Variants in MBOAT1 observed in about 807,000 individuals in gnomAD.
The protein encoded by MBOAT1 is membrane-bound glycerophospholipid O-acyltransferase 1.
MBOAT1 carries 67 observed loss-of-function variants against 64.4 expected under a neutral mutation model. The ratio of observed to expected loss-of-function variants is 1.04; its 90% confidence interval spans 0.85 to 1.27. MBOAT1 has a LOEUF of 1.27. MBOAT1 is among the 50% of genes most tolerant of loss of function. The probability of loss-of-function intolerance (pLI) is 0.00; values close to 1 mark genes in which losing one functional copy is unlikely to be tolerated. For missense variants in MBOAT1, 563 were observed against 604.6 expected, an observed-to-expected ratio of 0.93 and a Z score of 0.72; for synonymous variants, 229 against 218.9, an observed-to-expected ratio of 1.05 and a Z score of -0.41.
At chr6:20,175,627 TTTC>T (rs1356074926) in intron 1 of MBOAT1, among the ~76,000 whole-genome samples, 1 of 148,988 alleles carries the variant, frequency 6.7e-6, no homozygotes, top group Non-Finnish European at 1.5e-5. Context: ...TTGTTCTTTC[TTTC>T]TTTTTTTTTT....
At chr6:20,195,903 C>A (rs985886467) in intron 1 of MBOAT1, among the ~76,000 whole-genome samples, 14 of 151,972 alleles carry the variant, frequency 9.2e-5, no homozygotes, top group African/African-American at 3.4e-4. Flanking sequence ...GGAGACAAAG[C>A]AGGCTGAGAA....
At chr6:20,140,318 C>T (rs1333936256) in intron 4 of MBOAT1, among the ~76,000 whole-genome samples, 1 of 152,218 alleles carries the variant, frequency 6.6e-6, no homozygotes, top group Non-Finnish European at 1.5e-5. Flanking sequence ...TTCACATTCA[C>T]ATATAATCAG....
At chr6:20,140,312 C>T (rs562405894) in intron 4 of MBOAT1, among the ~76,000 whole-genome samples, 1 of 152,336 alleles carries the variant, frequency 6.6e-6, no homozygotes, top group East Asian at 1.9e-4. Flanking sequence ...TCTCCTTTCA[C>T]ATTCACATAT....
chr6:20,206,752 A>G (rs2113778004), intron 1 of MBOAT1, among the ~76,000 whole-genome samples: 1 of 152,274 alleles, frequency 6.6e-6, no homozygotes, highest in East Asian at 1.9e-4. Context: ...GTCAAGAAGG[A>G]CAATCCATCA....
rs536256247 is a variant in MBOAT1, at chr6:20,101,815, G to C, written c.*471C>G. Among the ~76,000 whole-genome samples the C allele has an allele frequency of 2.0e-4, 30 of 151,988 alleles. No individual in the cohort carries two copies. The highest frequency in any genetic ancestry group is 3.4e-4 in the Non-Finnish European group (23 of 68,004). ...ATGGCCGATTAATCTGTACAAAAAG[G>C]CTTTATAAAAATACTCCCGGCCGGG... On this transcript the variant is annotated 3_prime_UTR_variant, in exon 13 of 13. Coordinates refer to ENST00000324607, the MANE Select transcript of MBOAT1 (RefSeq NM_001080480.3).
In MBOAT1 at chr6:20,159,579, C is replaced by T. The variant is rs148267029; in HGVS notation, c.100-6810G>A. ...AAGTGCATGTGGAATCTAAAAAAGT[C>T]GAAAAAGCAGAGAGTTTAACAGTGT... On this transcript the variant is annotated intron_variant, in intron 1 of 12. Coordinates refer to ENST00000324607, the MANE Select transcript of MBOAT1 (RefSeq NM_001080480.3). Among the ~76,000 whole-genome samples, 439 of 151,886 alleles carry T rather than the reference C, an allele frequency of 2.9e-3. 2 individuals are homozygous for T. Among genetic ancestry groups the T allele is most frequent in the African/African-American group, 0.01 (420 of 41,396 alleles).
intron 1 of MBOAT1, among the ~76,000 whole-genome samples, chr6:20,190,948 G>A (rs916962087): frequency 6.6e-6 from 1 of 152,164 alleles, no homozygotes; most frequent in Non-Finnish European, 1.5e-5. Context: ...TTTATGATGA[G>A]TTGAAACCTA....
In MBOAT1 at chr6:20,126,608, G is replaced by T; in HGVS notation, c.623C>A (p.Ala208Asp). Residue 208 changes from alanine (A) to aspartate (D), a missense_variant, in exon 7 of 13, where the codon GCC (alanine) becomes GAC (aspartate). Transcript: ENST00000324607. The stretch of plus-strand genomic sequence containing the variant: ...GTGTATATGCTTCCCCTCAATGAAG[G>T]CTATGTAGTCCTTGAAATTGTTACA... ...GPCNNFKDYI[A>D]FIEGKHIHMK... The T allele has an allele frequency of 4.3e-6, 7 of 1,613,714 alleles. No individual in the cohort carries two copies. The highest frequency in any genetic ancestry group is 5.9e-6 in the Non-Finnish European group (7 of 1,179,782).
chr6:20,145,912 C>T (rs1761312250), intron 3 of MBOAT1, among the ~76,000 whole-genome samples: 1 of 152,186 alleles, frequency 6.6e-6, no homozygotes, highest in African/African-American at 2.4e-5. Flanking sequence ...GTTCCCCATC[C>T]CCAGCACAAT....
At chr6:20,209,355 T>C (rs557702825) in intron 1 of MBOAT1, among the ~76,000 whole-genome samples, 3 of 152,288 alleles carry the variant, frequency 2.0e-5, no homozygotes, top group Non-Finnish European at 2.9e-5. Flanking sequence ...ACAAAAACCA[T>C]AGACTTTTCC....
At chr6:20,110,641 C>A (rs1279152357) in intron 11 of MBOAT1, among the ~76,000 whole-genome samples, 1 of 152,072 alleles carries the variant, frequency 6.6e-6, no homozygotes, top group Non-Finnish European at 1.5e-5. Flanking sequence ...GAAAGCATCA[C>A]TTAAAAACTT....
chr6:20,139,935 G>C (rs1284111866), intron 4 of MBOAT1, among the ~76,000 whole-genome samples: 1 of 152,082 alleles, frequency 6.6e-6, no homozygotes, highest in Admixed American at 6.6e-5. Context: ...CTATCACTGT[G>C]CCTGGTATAC....
At chr6:20,175,737 G>T (rs981657057) in intron 1 of MBOAT1, among the ~76,000 whole-genome samples, 8 of 151,458 alleles carry the variant, frequency 5.3e-5, no homozygotes, top group African/African-American at 1.9e-4. Flanking sequence ...CTCCCAAAGT[G>T]CTAGGATTAC....
At position 20,212,116 on chromosome 6, in the gene MBOAT1, C is replaced by T. The variant is rs368168143; in HGVS notation, c.99+20G>A. On this transcript the variant is annotated intron_variant, in intron 1 of 12. Transcript: ENST00000324607. ...GATCGCTGGGGAGCTGGGGTCGCTG[C>T]GCTCCCGGCCTGCAGTTACCTGGTC... 4.4e-6 allele frequency: 7 copies of T among 1,609,112 alleles called. No homozygotes were observed. The highest frequency in any genetic ancestry group is 1.7e-5 in the Admixed American group (1 of 59,616).
chr6:20,152,521 A>G (rs1581427354), intron 2 of MBOAT1, 103 bp downstream of exon 2: 5 of 1,212,928 alleles, frequency 4.1e-6, no homozygotes, highest in Non-Finnish European at 5.6e-6. Flanking sequence ...TTTACAATAC[A>G]TATTTTATAA....
At position 20,203,664 on chromosome 6, in the gene MBOAT1, G is replaced by A. The variant is rs192305805; in HGVS notation, c.99+8472C>T. Reference sequence around the variant, plus strand: ...AGATGACGAAGATTCATCTTCAGTGGTGGTAAATAAAATTAGTAAGGAGCA... The same window carrying A: ...AGATGACGAAGATTCATCTTCAGTGATGGTAAATAAAATTAGTAAGGAGCA... On this transcript the variant is annotated intron_variant, in intron 1 of 12. Transcript: ENST00000324607. Among the ~76,000 whole-genome samples the A allele has an allele frequency of 8.9e-4, 136 of 152,160 alleles. 1 individual carries two copies. The highest frequency in any genetic ancestry group is 2.9e-3 in the African/African-American group (121 of 41,520).
chr6:20,138,900 A>C (rs977286542), intron 4 of MBOAT1, among the ~76,000 whole-genome samples: 5 of 152,156 alleles, frequency 3.3e-5, no homozygotes, highest in African/African-American at 1.2e-4. Context: ...GCTGAGAGAG[A>C]ATCTGTTCCA....
rs145602846 is a variant in MBOAT1 at position 20,152,746 on chromosome 6, A to G, written c.123T>C (p.Leu41=). 2.5e-6 allele frequency: 4 copies of G among 1,611,950 alleles called. No homozygotes were observed. The highest frequency in any genetic ancestry group is 2.5e-6 in the Non-Finnish European group (3 of 1,178,610). Residue 41 remains leucine (L), a synonymous_variant, in exon 2 of 13, where the codon CTT becomes CTC. Coordinates refer to ENST00000324607, the MANE Select transcript of MBOAT1 (RefSeq NM_001080480.3). ...LDQVNFVVCQ[L]VALFAAFWFR... ...ACCAGAAAGCAGCAAACAGAGCAACAAGCTGGCATACCACAAAATTCACCT... is the reference window on the plus strand; with the variant it reads ...ACCAGAAAGCAGCAAACAGAGCAACGAGCTGGCATACCACAAAATTCACCT...
At chr6:20,110,713 C>T (rs1471884618) in intron 11 of MBOAT1, among the ~76,000 whole-genome samples, 1 of 152,048 alleles carries the variant, frequency 6.6e-6, no homozygotes, top group Non-Finnish European at 1.5e-5. Context: ...CTTAATGACA[C>T]CAATATAATT....
Sources: allele counts gnomAD v4.1 joint callset (sites outside exome capture counted in the v4.1 genomes callset), GRCh38; gene constraint gnomAD v4.1.1; transcripts MANE v1.5; gene names NCBI Gene and HGNC (gene_info 2026-07-23, HGNC 2026-07-21).